FHIT: variants seen among roughly 807,000 people sequenced by gnomAD.
FHIT encodes fragile histidine triad diadenosine triphosphatase, also known as bis(5'-adenosyl)-triphosphatase.
Under a neutral mutation model 17.9 loss-of-function variants are expected in FHIT, and 19 were observed. The observed-to-expected ratio is 1.06, with a 90% CI of 0.74 to 1.56. The LOEUF (loss-of-function observed/expected upper bound fraction) is 1.56. FHIT is among the 40% of genes most tolerant of loss of function. The probability of loss-of-function intolerance (pLI) is 0.00; values close to 1 mark genes in which losing one functional copy is unlikely to be tolerated. For synonymous variants in FHIT, 81 were observed against 69.7 expected (o/e 1.16, Z -0.81); for missense variants, 248 against 189.2 (o/e 1.31, Z -1.82).
intron 5 of FHIT, among the ~76,000 whole-genome samples, chr3:60,099,223 T>G (rs535175312): frequency 6.6e-6 from 1 of 152,138 alleles, no homozygotes. Context: ...CTTTGCTCTG[T>G]TTACCTCTTG....
Position 60,642,410 on chromosome 3 carries a change from G to A in FHIT, c.-17-105431C>T, listed in dbSNP as rs191721493. ...GGGTTGCAGATCCTTAATTTAAATG[G>A]AACTGAGTATTTCTAAGCATTTCAC... On this transcript the variant is annotated intron_variant, in intron 4 of 9. Coordinates refer to ENST00000492590, the MANE Select transcript of FHIT (RefSeq NM_002012.4). 2.0e-5 allele frequency among the ~76,000 whole-genome samples: 3 copies of A among 152,266 alleles called. No individual in the cohort carries two copies. In the South Asian group the frequency reaches 6.2e-4, roughly 32 times the overall value.
At chr3:59,885,383 C>A (rs1045383073) in intron 8 of FHIT, among the ~76,000 whole-genome samples, 1 of 149,622 alleles carries the variant, frequency 6.7e-6, no homozygotes, top group Non-Finnish European at 1.5e-5. Flanking sequence ...ACCGCAGGAA[C>A]AAAAATGCCC....
intron 1 of FHIT, among the ~76,000 whole-genome samples, chr3:61,242,005 T>A (rs1560105845): frequency 6.6e-6 from 1 of 152,158 alleles, no homozygotes; most frequent in Non-Finnish European, 1.5e-5. Context: ...TGAAATAACC[T>A]CCTGGTGGGC....
At chr3:60,622,899 G>A (rs2039174324) in intron 4 of FHIT, among the ~76,000 whole-genome samples, 1 of 152,152 alleles carries the variant, frequency 6.6e-6, no homozygotes, top group Non-Finnish European at 1.5e-5. Context: ...CTTCTCCCAG[G>A]CTCCTGCACC....
intron 5 of FHIT, among the ~76,000 whole-genome samples, chr3:60,347,068 GA>G (rs201960409): frequency 1.2e-3 from 2 of 1,640 alleles, no homozygotes; most frequent in East Asian, 0.033. Context: ...TGATATTCTT[GA>G]ATTTTTTTTT....
chr3:60,206,203 TG>T (rs1012216596), intron 5 of FHIT, among the ~76,000 whole-genome samples: 1 of 150,656 alleles, frequency 6.6e-6, no homozygotes, highest in Non-Finnish European at 1.5e-5. Context: ...CCCAGGTAGA[TG>T]ATCTTCCAGT....
At chr3:60,418,886 A>G (rs1433824812) in intron 5 of FHIT, among the ~76,000 whole-genome samples, 1 of 152,094 alleles carries the variant, frequency 6.6e-6, no homozygotes, top group African/African-American at 2.4e-5. Context: ...TAATAGCCCA[A>G]CTCCACATAT....
At chr3:60,307,061 G>A (rs1168284170) in intron 5 of FHIT, among the ~76,000 whole-genome samples, 1 of 152,060 alleles carries the variant, frequency 6.6e-6, no homozygotes, top group African/African-American at 2.4e-5. Context: ...CTTTTGACAT[G>A]ACTATCTCTT....
At chr3:59,972,912 C>A (rs548381555) in intron 7 of FHIT, among the ~76,000 whole-genome samples, 3 of 152,132 alleles carry the variant, frequency 2.0e-5, no homozygotes, top group African/African-American at 7.2e-5. Flanking sequence ...CAGTCACAGG[C>A]TCCCTCACTT....
At chr3:59,828,438 T>C (rs1285963773) in intron 8 of FHIT, among the ~76,000 whole-genome samples, 1 of 152,214 alleles carries the variant, frequency 6.6e-6, no homozygotes, top group Non-Finnish European at 1.5e-5. Flanking sequence ...TTGATGTATC[T>C]CTTAGTCATT....
intron 3 of FHIT, among the ~76,000 whole-genome samples, chr3:60,965,644 T>A (rs61083768): frequency 0.055 from 8,448 of 152,268 alleles, 442 homozygotes; most frequent in East Asian, 0.24. Context: ...TGTTTGTTAG[T>A]TTTCCTTCTA....
At chr3:60,931,709 T>C (rs1169701956) in intron 3 of FHIT, among the ~76,000 whole-genome samples, 1 of 152,208 alleles carries the variant, frequency 6.6e-6, no homozygotes, top group Non-Finnish European at 1.5e-5. Flanking sequence ...TTTTTTCAGG[T>C]TTATCTCTGG....
intron 3 of FHIT, among the ~76,000 whole-genome samples, chr3:60,876,432 T>C: frequency 1.3e-5 from 2 of 152,352 alleles, no homozygotes; most frequent in South Asian, 4.1e-4. Context: ...TAACTGAATT[T>C]ATTCTTTATG....
intron 4 of FHIT, among the ~76,000 whole-genome samples, chr3:60,738,310 A>G (rs1269717317): frequency 1.3e-5 from 2 of 152,218 alleles, no homozygotes; most frequent in African/African-American, 2.4e-5. Context: ...ATAGTATTAC[A>G]GTTCAGTGAA....
At chr3:60,897,092 A>G (rs1243232561) in intron 3 of FHIT, among the ~76,000 whole-genome samples, 1 of 152,120 alleles carries the variant, frequency 6.6e-6, no homozygotes, top group African/African-American at 2.4e-5. Flanking sequence ...CACTACCAAT[A>G]TCTTCTGGTG....
At chr3:60,266,786 G>T (rs1162136376) in intron 5 of FHIT, among the ~76,000 whole-genome samples, 1 of 152,048 alleles carries the variant, frequency 6.6e-6, no homozygotes, top group Admixed American at 6.6e-5. Context: ...CTAGGAAGAT[G>T]AAAGTGCCAG....
intron 4 of FHIT, among the ~76,000 whole-genome samples, chr3:60,657,776 G>A (rs1203702310): frequency 6.6e-6 from 1 of 152,088 alleles, no homozygotes; most frequent in Non-Finnish European, 1.5e-5. Context: ...CTCAATATCT[G>A]ATCAGATTCC....
At chr3:60,173,540 G>C (rs753894720) in intron 5 of FHIT, among the ~76,000 whole-genome samples, 2 of 152,052 alleles carry the variant, frequency 1.3e-5, no homozygotes, top group Non-Finnish European at 2.9e-5. Flanking sequence ...CTCTGCAACA[G>C]CTTGTCCTTA....
chr3:60,152,295 G>C (rs1700501294), intron 5 of FHIT, among the ~76,000 whole-genome samples: 1 of 152,182 alleles, frequency 6.6e-6, no homozygotes, highest in African/African-American at 2.4e-5. Context: ...ACACATGTAT[G>C]TACACACATA....
Sources: allele counts gnomAD v4.1 joint callset (sites outside exome capture counted in the v4.1 genomes callset), GRCh38; gene constraint gnomAD v4.1.1; transcripts MANE v1.5; gene names NCBI Gene and HGNC (gene_info 2026-07-23, HGNC 2026-07-21).